Variants in LAMB3 observed in about 807,000 individuals in gnomAD.
LAMB3 encodes the protein laminin subunit beta 3, also known as laminin subunit beta-3.
In LAMB3, 104 loss-of-function variants were observed where a neutral mutation model predicts 140.3. The ratio of observed to expected loss-of-function variants is 0.74; its 90% confidence interval spans 0.63 to 0.87. The LOEUF (loss-of-function observed/expected upper bound fraction) is 0.87, where lower values mean the gene tolerates loss of function less well. Among genes scored for constraint, LAMB3 ranks in the 40% least tolerant of loss-of-function variants. The pLI is 0.00. For synonymous variants in LAMB3, 592 were observed against 602.9 expected (o/e 0.98, Z 0.26); for missense variants, 1,531 against 1,575.2 (o/e 0.97, Z 0.47).
chr1:209,632,000 G>A (rs1244919156), intron 8 of LAMB3, among the ~76,000 whole-genome samples: 1 of 152,158 alleles, frequency 6.6e-6, no homozygotes, highest in African/African-American at 2.4e-5. Context: ...TCTCAAGCTT[G>A]GTTTCACAGC....
At position 209,615,379 on chromosome 1, in the gene LAMB3, G is replaced by C; in HGVS notation, c.3411C>G (p.Ser1137Arg). Residue 1137 changes from serine (S) to arginine (R), a missense_variant, in exon 23 of 23, where the codon AGC (serine) becomes AGG (arginine). Transcript: ENST00000356082. Reference sequence around the variant, plus strand: ...CCGCTGAGCGCAGCATGATGGCCTGGCTGCCCCGCAGCAGCTCCAACTCCA... The same window carrying C: ...CCGCTGAGCGCAGCATGATGGCCTGCCTGCCCCGCAGCAGCTCCAACTCCA... The part of the protein sequence containing the change: ...KDMELELLRG[S>R]QAIMLRSADL... 1.2e-6 allele frequency: 2 copies of C among 1,609,662 alleles called. No homozygotes were observed. The highest frequency in any genetic ancestry group is 1.7e-6 in the Non-Finnish European group (2 of 1,177,204).
rs1402350891 is a variant in LAMB3 at position 209,622,600 on chromosome 1, G to C, written c.2637C>G (p.Ser879=). ...RLETQVSASR[S]QMEEDVRRTR... ...TGCGTCTGACATCTTCCTCCATCTGGGAGCGGCTGGCGCTCACCTGGGTCT... is the reference window on the plus strand; with the variant it reads ...TGCGTCTGACATCTTCCTCCATCTGCGAGCGGCTGGCGCTCACCTGGGTCT... Residue 879 remains serine, a synonymous_variant, in exon 18 of 23, where the codon TCC becomes TCG. Coordinates refer to ENST00000356082, the MANE Select transcript of LAMB3 (RefSeq NM_000228.3). 1 of 1,614,074 alleles carries C rather than the reference G, an allele frequency of 6.2e-7. No homozygotes were observed. Among genetic ancestry groups the C allele is most frequent in the Non-Finnish European group, 8.5e-7 (1 of 1,179,986 alleles).
chr1:209,631,493 T>C (rs1264550974), intron 8 of LAMB3, among the ~76,000 whole-genome samples: 1 of 152,206 alleles, frequency 6.6e-6, no homozygotes, highest in Non-Finnish European at 1.5e-5. Context: ...TGCCTCTAAT[T>C]CCATAGATCT....
chr1:209,645,255 T>C (rs1406388539), intron 3 of LAMB3, among the ~76,000 whole-genome samples: 2 of 152,182 alleles, frequency 1.3e-5, no homozygotes, highest in South Asian at 2.1e-4. Context: ...CTGATAAACA[T>C]AGTCTTGCTG....
At chr1:209,644,714 T>C (rs2076500718) in intron 3 of LAMB3, among the ~76,000 whole-genome samples, 1 of 152,182 alleles carries the variant, frequency 6.6e-6, no homozygotes, top group South Asian at 2.1e-4. Context: ...ACTCCCTTCT[T>C]CTGCTTCATT....
Position 209,643,341 on chromosome 1 carries a change from C to T in LAMB3, c.184-4693G>A, listed in dbSNP as rs577885703. Reference sequence around the variant, plus strand: ...CTCTCCCAGTGATGGCAGCTCTCTGCTGCAGCTGCCTCCCTCTCTGGGGTC... The same window carrying T: ...CTCTCCCAGTGATGGCAGCTCTCTGTTGCAGCTGCCTCCCTCTCTGGGGTC... On this transcript the variant is annotated intron_variant, in intron 3 of 22. Transcript: ENST00000356082. Among the ~76,000 whole-genome samples the T allele has an allele frequency of 5.9e-5, 9 of 152,354 alleles. No individual in the cohort carries two copies. The South Asian group carries it at 1.9e-3, about 32-fold the overall frequency.
At chr1:209,651,231 T>A (rs2076564097) in intron 1 of LAMB3, 1 of 489,848 alleles carries the variant, frequency 2.0e-6, no homozygotes, top group Non-Finnish European at 3.7e-6. Context: ...TCCAGCTTCC[T>A]CCTCTAAAAT....
At chr1:209,627,629 AC>A in intron 11 of LAMB3, 50 bp from the exon 12 acceptor site, 1 of 1,569,584 alleles carries the variant, frequency 6.4e-7, no homozygotes, top group Non-Finnish European at 8.8e-7. Context: ...TGAAAAACTC[AC>A]CCCCAGAGGA....
intron 2 of LAMB3, among the ~76,000 whole-genome samples, chr1:209,650,319 C>T (rs1204848969): frequency 6.6e-6 from 1 of 152,208 alleles, no homozygotes; most frequent in African/African-American, 2.4e-5. Context: ...GAACTCAAAA[C>T]TTGAAAAGGA....
At chr1:209,617,275 A>C in intron 21 of LAMB3, 135 bp downstream of exon 21, 1 of 1,021,380 alleles carries the variant, frequency 9.8e-7, no homozygotes, top group Non-Finnish European at 1.5e-6. Flanking sequence ...GTTTGGGTTG[A>C]CTCTCAAGCC....
At chr1:209,651,986 G>A (rs1227456391) in intron 1 of LAMB3, among the ~76,000 whole-genome samples, 1 of 152,040 alleles carries the variant, frequency 6.6e-6, no homozygotes, top group Non-Finnish European at 1.5e-5. Flanking sequence ...CCCAGGGAGG[G>A]AACATGTGGC....
At chr1:209,635,796 C>T (rs1046416490) in intron 5 of LAMB3, among the ~76,000 whole-genome samples, 27 of 152,172 alleles carry the variant, frequency 1.8e-4, no homozygotes, top group South Asian at 6.2e-4. Flanking sequence ...CTTGTCAGTC[C>T]TCTGCTAAAA....
chr1:209,618,405 G>A (rs547603663), intron 19 of LAMB3, 47 bp downstream of exon 19: 86 of 1,588,434 alleles, frequency 5.4e-5, no homozygotes, highest in South Asian at 1.8e-4. Context: ...GGAGCAAAAC[G>A]CCAGCTTAAT....
chr1:209,620,359 C>T (rs776475584), intron 18 of LAMB3, among the ~76,000 whole-genome samples: 7 of 152,132 alleles, frequency 4.6e-5, no homozygotes, highest in South Asian at 2.1e-4. Flanking sequence ...GGGCCCCCAG[C>T]GCCATCTGAT....
chr1:209,615,287 T>C lies in LAMB3; in HGVS notation c.3503A>G (p.Tyr1168Cys). ...RDHINGRVLY[Y>C]ATCK Reference sequence around the variant, plus strand: ...GCTGTAGCATCACTTGCAGGTGGCATAGTAGAGCACGCGCCCATTGATGTG... The same window carrying C: ...GCTGTAGCATCACTTGCAGGTGGCACAGTAGAGCACGCGCCCATTGATGTG... The change falls in exon 23 of 23, where the codon TAT (tyrosine) becomes TGT (cysteine). Residue 1168 changes from tyrosine to cysteine, a missense_variant. By Grantham distance (194) the Tyr-to-Cys change is radical. Transcript: ENST00000356082. The C allele has an allele frequency of 6.2e-7, 1 of 1,614,142 alleles. No individual in the cohort carries two copies. Among genetic ancestry groups the C allele is most frequent in the East Asian group, 2.2e-5 (1 of 44,892 alleles).
intron 6 of LAMB3, among the ~76,000 whole-genome samples, chr1:209,633,563 A>AC (rs11446810): frequency 0.14 from 19,289 of 135,318 alleles, 1,349 homozygotes; most frequent in Admixed American, 0.16. Context: ...TGATTTATTC[A>AC]AAAAAAAAAA....
rs200672750 is a variant in LAMB3, at chr1:209,650,092, G to C, written c.55C>G (p.Gln19Glu). ...TAGCAGGCCCCACGGGAGCAGGCTT[G>C]TTGGGCATGCAGGAGGCCAGGCAGG... ...FALPGLLHAQ[Q>E]ACSRGACYPP... The change falls in exon 3 of 23, where the codon CAA (glutamine) becomes GAA (glutamate). Residue 19 changes from glutamine (Q) to glutamate (E), a missense_variant. Physicochemically the swap from Gln to Glu is conservative, Grantham distance 29 (BLOSUM62 2). Transcript: ENST00000356082. 2.5e-6 allele frequency: 4 copies of C among 1,613,956 alleles called. No homozygotes were observed. Among genetic ancestry groups the C allele is most frequent in the Admixed American group, 1.7e-5 (1 of 59,996 alleles).
rs776214216 is a variant in LAMB3, at chr1:209,634,636, C to G, written c.375G>C (p.Gly125=). The G allele has an allele frequency of 6.2e-7, 1 of 1,612,306 alleles. No individual in the cohort carries two copies. The highest frequency in any genetic ancestry group is 1.1e-5 in the South Asian group (1 of 90,860). The change falls in exon 6 of 23, where the codon GGG becomes GGC. Residue 125 remains glycine, a splice_region_variant and synonymous_variant. Transcript: ENST00000356082. ...QLQEVMMEFQ[G]PMPAGMLIER... is the part of the protein sequence containing the mutation. Reference sequence around the variant, plus strand: ...CAATCAGCATGCCGGCGGGCATGGGCCCCTGTGGAGACAGGGGCAGTGTGC... The same window carrying G: ...CAATCAGCATGCCGGCGGGCATGGGGCCCTGTGGAGACAGGGGCAGTGTGC...
In LAMB3 at chr1:209,650,953, A is replaced by G. The variant is rs1483262424; in HGVS notation, c.-9T>C. 2 of 1,614,028 alleles carry G rather than the reference A, an allele frequency of 1.2e-6. No homozygotes were observed. Among genetic ancestry groups the G allele is most frequent in the East Asian group, 4.5e-5 (2 of 44,906 alleles). ...AGGAAGAATGGTCTCATCTTCAGCC[A>G]ATGGGGTGATCCCCAGAAAGGACCT... is the stretch of plus-strand genomic sequence containing the variant. On this transcript the variant is annotated 5_prime_UTR_variant, in exon 2 of 23. Transcript: ENST00000356082.
Sources: gnomAD v4.1 joint callset for allele counts (sites outside exome capture counted in the v4.1 genomes callset) on GRCh38, gnomAD v4.1.1 for gene constraint, MANE v1.5 for transcripts, NCBI Gene and HGNC (gene_info 2026-07-23, HGNC 2026-07-21) for gene names.